Variants in LMO7 observed in about 807,000 individuals in gnomAD.
LMO7 encodes the protein LIM domain only protein 7.
LMO7 carries 120 observed loss-of-function variants against 206.5 expected under a neutral mutation model. The ratio of observed to expected loss-of-function variants is 0.58; its 90% CI spans 0.50 to 0.68. The LOEUF is 0.68. LMO7 is among the 30% of genes least tolerant of loss of function. The pLI is 0.00. For missense variants in LMO7, 1,959 were observed against 1,957.9 expected, an observed-to-expected ratio of 1.00 and a Z score of -0.01; for synonymous variants, 706 against 681.5, an observed-to-expected ratio of 1.04 and a Z score of -0.56.
rs1297681680 is a variant in LMO7 at position 75,637,258 on chromosome 13, C to T, written c.69+532C>T. Among the ~76,000 whole-genome samples the T allele has an allele frequency of 3.9e-5, 6 of 152,290 alleles. No individual in the cohort carries two copies. The East Asian group carries it at 1.2e-3, about 29-fold the overall frequency. ...GAAGGCCCACCTGGAAGGATGATTT[C>T]TCTGGGGCCGCATCCAAGCCCAGGG... On this transcript the variant is annotated intron_variant, in intron 1 of 30. Transcript: ENST00000377534.
chr13:75,657,732 T>C (rs1019152174), intron 1 of LMO7, among the ~76,000 whole-genome samples: 2 of 152,248 alleles, frequency 1.3e-5, no homozygotes, highest in Admixed American at 6.5e-5. Flanking sequence ...AGATTTCTTA[T>C]TAACATGTAG....
intron 1 of LMO7, among the ~76,000 whole-genome samples, chr13:75,664,278 C>A (rs943171141): frequency 1.3e-5 from 2 of 151,992 alleles, no homozygotes; most frequent in Non-Finnish European, 2.9e-5. Context: ...TGAGAACATG[C>A]AGTATTTGTC....
intron 3 of LMO7, among the ~76,000 whole-genome samples, chr13:75,732,589 A>G (rs1444421025): frequency 6.6e-6 from 1 of 152,028 alleles, no homozygotes; most frequent in African/African-American, 2.4e-5. Context: ...TGTAGCTCGG[A>G]GTAGTTTGAT....
chr13:75,644,422 G>A (rs1365280490), intron 1 of LMO7, among the ~76,000 whole-genome samples: 1 of 152,158 alleles, frequency 6.6e-6, no homozygotes, highest in Non-Finnish European at 1.5e-5. Flanking sequence ...CGCTGGCCAG[G>A]TAGTTCATCA....
intron 1 of LMO7, among the ~76,000 whole-genome samples, chr13:75,671,916 C>T (rs549841800): frequency 4.6e-5 from 7 of 152,076 alleles, no homozygotes; most frequent in African/African-American, 1.7e-4. Context: ...GTCAACTGTG[C>T]ATGGTAAATA....
At chr13:75,724,371 A>C (rs1006005254) in intron 2 of LMO7, among the ~76,000 whole-genome samples, 6 of 152,112 alleles carry the variant, frequency 3.9e-5, no homozygotes, top group African/African-American at 1.4e-4. Flanking sequence ...CTAGGGCTAG[A>C]GGGATGGAAC....
intron 1 of LMO7, among the ~76,000 whole-genome samples, chr13:75,677,542 A>G (rs2139451958): frequency 6.6e-6 from 1 of 152,338 alleles, no homozygotes; most frequent in Non-Finnish European, 1.5e-5. Context: ...AGCCAAATAC[A>G]TAATCCAGCC....
chr13:75,825,034 A>G (rs1369032353), intron 15 of LMO7, among the ~76,000 whole-genome samples: 1 of 152,114 alleles, frequency 6.6e-6, no homozygotes, highest in Non-Finnish European at 1.5e-5. Context: ...ATTGCTGATA[A>G]TTCCATCATT....
chr13:75,805,212 A>C, intron 8 of LMO7: 2 of 1,231,496 alleles, frequency 1.6e-6, no homozygotes, highest in Non-Finnish European at 2.1e-6. Context: ...TTCAGAAAGT[A>C]ACACCCCAAA....
chr13:75,764,992 A>G (rs1478362882), intron 4 of LMO7, among the ~76,000 whole-genome samples: 1 of 152,188 alleles, frequency 6.6e-6, no homozygotes, highest in Admixed American at 6.5e-5. Flanking sequence ...CTCTTTACAC[A>G]TGCTAGTTGC....
chr13:75,745,324 T>TG (rs2046747976), intron 3 of LMO7, among the ~76,000 whole-genome samples: 1 of 151,944 alleles, frequency 6.6e-6, no homozygotes, highest in Non-Finnish European at 1.5e-5. Flanking sequence ...GTTAGGTCAT[T>TG]GGTTGCCTGT....
At chr13:75,676,651 A>G (rs556347275) in intron 1 of LMO7, among the ~76,000 whole-genome samples, 3 of 152,338 alleles carry the variant, frequency 2.0e-5, no homozygotes, top group Non-Finnish European at 2.9e-5. Flanking sequence ...GCCACTACCA[A>G]TTGAATGTGA....
intron 4 of LMO7, among the ~76,000 whole-genome samples, chr13:75,764,928 G>A (rs200112964): frequency 5.9e-5 from 9 of 152,014 alleles, no homozygotes; most frequent in East Asian, 5.8e-4. Context: ...GATATTAACG[G>A]AGTTTGTTTT....
chr13:75,841,005 A>C (rs1240089169), intron 22 of LMO7, 104 bp from the exon 23 acceptor site: 7 of 689,302 alleles, frequency 1.0e-5, no homozygotes, highest in Non-Finnish European at 1.5e-5. Context: ...TGGTCTTTAA[A>C]GGTTTGAGGT....
intron 20 of LMO7, among the ~76,000 whole-genome samples, chr13:75,838,845 C>T (rs534761444): frequency 9.9e-5 from 15 of 152,116 alleles, no homozygotes; most frequent in South Asian, 4.2e-4. Flanking sequence ...TCCCGTGTCA[C>T]GTTTGCCTAA....
chr13:75,735,609 G>A (rs939318119), intron 3 of LMO7, among the ~76,000 whole-genome samples: 2 of 151,330 alleles, frequency 1.3e-5, no homozygotes, highest in Non-Finnish European at 2.9e-5. Flanking sequence ...CTACAGGCGC[G>A]CGGCACCACA....
At chr13:75,845,707 C>T (rs1031692082) in intron 26 of LMO7, among the ~76,000 whole-genome samples, 6 of 151,986 alleles carry the variant, frequency 3.9e-5, no homozygotes, top group Non-Finnish European at 7.4e-5. Context: ...AAGATGTCTA[C>T]GAAATACTGG....
chr13:75,734,745 C>T (rs2045627917), intron 3 of LMO7, among the ~76,000 whole-genome samples: 1 of 152,104 alleles, frequency 6.6e-6, no homozygotes, highest in African/African-American at 2.4e-5. Flanking sequence ...TCCTTCCTAC[C>T]AAGTTGCCTC....
chr13:75,672,392 C>T (rs2039663048), intron 1 of LMO7, among the ~76,000 whole-genome samples: 1 of 152,038 alleles, frequency 6.6e-6, no homozygotes. Context: ...CAGGCATGTG[C>T]CACCATGCCT....
Sources: gnomAD v4.1 joint callset for allele counts (sites outside exome capture counted in the v4.1 genomes callset) on GRCh38, gnomAD v4.1.1 for gene constraint, MANE v1.5 for transcripts, NCBI Gene and HGNC (gene_info 2026-07-23, HGNC 2026-07-21) for gene names.